The following SHROOM2 variants were observed in gnomAD, a reference collection of about 807,000 sequenced individuals.
SHROOM2 encodes the protein protein Shroom2.
Under a neutral mutation model 75.9 loss-of-function variants are expected in SHROOM2, and 33 were observed. The observed-to-expected ratio is 0.43, with a 90% confidence interval of 0.33 to 0.58. The LOEUF is 0.58. Ranked by LOEUF, SHROOM2 falls within the 20% of genes least tolerant of loss-of-function variation. The probability of loss-of-function intolerance (pLI) is 0.04; values close to 1 mark genes in which losing one functional copy is unlikely to be tolerated. For missense variants in SHROOM2, 1,434 were observed against 1,461.2 expected, an observed-to-expected ratio of 0.98 and a Z score of 0.30; for synonymous variants, 655 against 663.6, an observed-to-expected ratio of 0.99 and a Z score of 0.20.
At chrX:9,892,216 G>A (rs1174212415) in intron 3 of SHROOM2, among the ~76,000 whole-genome samples, 2 of 100,869 alleles carry the variant, frequency 2.0e-5, no homozygotes, top group Non-Finnish European at 3.9e-5. Context: ...TTGCAGCACC[G>A]CACTCCAGTC....
At position 9,817,516 on chromosome X, in the gene SHROOM2, C is replaced by A. The variant is rs147693054; in HGVS notation, c.165+30806C>A. On this transcript the variant is annotated intron_variant, in intron 1 of 9. Coordinates refer to ENST00000380913, the MANE Select transcript of SHROOM2 (RefSeq NM_001649.4). ...GTAATAACTTCCCTGGCTCACCCAA[C>A]GTGCAGTGCACACGACTTCAAAGAC... 6.1e-3 allele frequency among the ~76,000 whole-genome samples: 681 copies of A among 111,949 alleles called. 3 individuals carry two copies. Among genetic ancestry groups the A allele is most frequent in the Non-Finnish European group, 9.9e-3 (525 of 53,211 alleles).
chrX:9,836,815 C>T (rs1243764341), intron 1 of SHROOM2, among the ~76,000 whole-genome samples: 4 of 111,261 alleles, frequency 3.6e-5, no homozygotes, highest in Non-Finnish European at 7.5e-5. Flanking sequence ...CATCATGATT[C>T]AATTTTAGAT....
chrX:9,808,920 T>C (rs1375595265), intron 1 of SHROOM2, among the ~76,000 whole-genome samples: 1 of 110,830 alleles, frequency 9.0e-6, no homozygotes, highest in Admixed American at 9.7e-5. Context: ...TTCGCCATGT[T>C]AAAGGGTACA....
chrX:9,858,420 C>T (rs993445501), intron 1 of SHROOM2, among the ~76,000 whole-genome samples: 22 of 112,569 alleles, frequency 2.0e-4, no homozygotes, highest in African/African-American at 6.8e-4. Flanking sequence ...TCTTTCAGAT[C>T]GCCTTTTCAC....
intron 1 of SHROOM2, among the ~76,000 whole-genome samples, chrX:9,823,228 TC>T (rs2083869781): frequency 1.2e-5 from 1 of 85,262 alleles, no homozygotes; most frequent in Non-Finnish European, 2.3e-5. Context: ...CTCCTCCTCC[TC>T]CTCCTTCTTC....
chrX:9,834,136 G>A (rs1042899238), intron 1 of SHROOM2, among the ~76,000 whole-genome samples: 5 of 112,283 alleles, frequency 4.5e-5, no homozygotes, highest in East Asian at 2.8e-4. Context: ...CTGCCAGTGC[G>A]CAAGATGCCC....
At position 9,855,427 on chromosome X, in the gene SHROOM2, C is replaced by A. The variant is rs187668885; in HGVS notation, c.166-18225C>A. Among the ~76,000 whole-genome samples, 551 of 108,839 alleles carry A rather than the reference C, an allele frequency of 5.1e-3. 3 individuals are homozygous for A. The highest frequency in any genetic ancestry group is 8.0e-3 in the Non-Finnish European group (420 of 52,529). The allele number at this position is 108,839 out of a possible 115,157, so 94.5% of individuals were successfully genotyped here. A position where few individuals can be genotyped will look rare whatever the true frequency, so the allele number is the denominator to read the frequency against. ...TCTGTTCAGAATCTGTCACTGTTAC[C>A]TACGCTTATTTTGTTTTTAGAATTT... On this transcript the variant is annotated intron_variant, in intron 1 of 9. Coordinates refer to ENST00000380913, the MANE Select transcript of SHROOM2 (RefSeq NM_001649.4).
At chrX:9,877,636 G>T (rs1472962763) in intron 2 of SHROOM2, among the ~76,000 whole-genome samples, 1 of 112,008 alleles carries the variant, frequency 8.9e-6, no homozygotes, top group African/African-American at 3.3e-5. Flanking sequence ...GAATGGATCT[G>T]GGCTCTGGAA....
intron 2 of SHROOM2, among the ~76,000 whole-genome samples, chrX:9,880,981 CAGTT>C (rs2147003886): frequency 1.8e-5 from 2 of 111,362 alleles, no homozygotes; most frequent in African/African-American, 6.5e-5. Context: ...CTGTTTGTGG[CAGTT>C]AGAGTCCAAA....
At position 9,949,417 on chromosome X, in the gene SHROOM2, AAAAT is replaced by A. The variant is rs1206854019; in HGVS notation, c.*2486_*2489del. 2 of 330,987 alleles carry A rather than the reference AAAAT, an allele frequency of 6.0e-6. No individual in the cohort carries two copies. Among genetic ancestry groups the A allele is most frequent in the Admixed American group, 3.1e-5 (1 of 32,176 alleles). The allele number at this position is 330,987 out of a possible 1,213,427, so 27.3% of individuals were successfully genotyped here. On this transcript the variant is annotated 3_prime_UTR_variant, in exon 10 of 10. Transcript: ENST00000380913. ...ACAGATCATCCTGCTTGACTGTAAC[AAAAT>A]AAATAGTGTCTCTTCAAGTGAATGG...
chrX:9,901,883 C>T lies in SHROOM2; in HGVS notation c.2891+3593C>T, dbSNP rs766431085. Among the ~76,000 whole-genome samples, 5 of 110,165 alleles carry T rather than the reference C, an allele frequency of 4.5e-5. No individual in the cohort carries two copies. In the South Asian group the frequency reaches 1.5e-3, roughly 34 times the overall value. On this transcript the variant is annotated intron_variant, in intron 5 of 9. Transcript: ENST00000380913. ...CCCCGTACCTGACATAATTCCTGCACAGATTACATGCTCAATAAATGGTTG... is the reference window on the plus strand; with the variant it reads ...CCCCGTACCTGACATAATTCCTGCATAGATTACATGCTCAATAAATGGTTG...
intron 1 of SHROOM2, among the ~76,000 whole-genome samples, chrX:9,848,874 G>A (rs750289467): frequency 1.8e-5 from 2 of 111,465 alleles, no homozygotes; most frequent in South Asian, 7.6e-4. Context: ...GAAGAACATT[G>A]TGTTATGAAC....
intron 1 of SHROOM2, among the ~76,000 whole-genome samples, chrX:9,825,556 A>G (rs1019494082): frequency 8.9e-6 from 1 of 112,528 alleles, no homozygotes; most frequent in East Asian, 2.8e-4. Context: ...CCACACTGAT[A>G]AAGATGCAAT....
At chrX:9,928,359 C>T (rs941023753) in intron 5 of SHROOM2, among the ~76,000 whole-genome samples, 3 of 112,650 alleles carry the variant, frequency 2.7e-5, no homozygotes, top group Non-Finnish European at 5.6e-5. Flanking sequence ...GTGCAGCTGC[C>T]TTTGAAATGT....
At chrX:9,917,142 C>T (rs2239419) in intron 5 of SHROOM2, among the ~76,000 whole-genome samples, 17,908 of 110,940 alleles carry the variant, frequency 0.16, 1,170 homozygotes, top group Non-Finnish European at 0.2. Context: ...CCCAGCTTTC[C>T]GACAACCCTA....
At chrX:9,879,276 T>C (rs1356724730) in intron 2 of SHROOM2, among the ~76,000 whole-genome samples, 1 of 111,561 alleles carries the variant, frequency 9.0e-6, no homozygotes, top group Non-Finnish European at 1.9e-5. Flanking sequence ...TTATTTTTTC[T>C]ATTTTTTTGA....
rs759164064 is a variant in SHROOM2 at position 9,891,055 on chromosome X, C to T, written c.396C>T (p.Ser132=). The change falls in exon 3 of 10, where the codon TCC becomes TCT. Residue 132 remains serine, a synonymous_variant. Coordinates refer to ENST00000380913, the MANE Select transcript of SHROOM2 (RefSeq NM_001649.4). ...ACAGCCACCCCGAGCTAGCGGCCTC[C>T]CCATTCACCTCCACCAGCGGCTGTC... is the stretch of plus-strand genomic sequence containing the variant. ...FSDSHPELAA[S]PFTSTSGCPS... 8.3e-7 allele frequency: 1 copy of T among 1,203,471 alleles called. No homozygotes were observed. Among genetic ancestry groups the T allele is most frequent in the Non-Finnish European group, 1.1e-6 (1 of 891,332 alleles).
At chrX:9,816,104 AG>A (rs1411019941) in intron 1 of SHROOM2, among the ~76,000 whole-genome samples, 3 of 112,338 alleles carry the variant, frequency 2.7e-5, no homozygotes, top group African/African-American at 9.7e-5. Flanking sequence ...TCCATGTTGT[AG>A]TGTGTATCAG....
chrX:9,885,377 A>G (rs774561018), intron 2 of SHROOM2, among the ~76,000 whole-genome samples: 35 of 109,437 alleles, frequency 3.2e-4, no homozygotes, highest in Non-Finnish European at 5.7e-4. Flanking sequence ...CCCCAACTCC[A>G]CGGGTCTGTG....
Sources: gnomAD v4.1 joint callset for allele counts (sites outside exome capture counted in the v4.1 genomes callset) on GRCh38, gnomAD v4.1.1 for gene constraint, MANE v1.5 for transcripts, NCBI Gene and HGNC (gene_info 2026-07-23, HGNC 2026-07-21) for gene names.